WDR17: variants seen among roughly 807,000 people sequenced by gnomAD.
WDR17 encodes the protein WD repeat domain 17, also known as WD repeat-containing protein 17.
Under a neutral mutation model 161.7 loss-of-function variants are expected in WDR17, and 143 were observed. That is an observed-to-expected ratio of 0.88 (90% CI 0.77 to 1.02). The LOEUF is 1.02. WDR17 is among the 50% of genes least tolerant of loss of function. The pLI is 0.00. For synonymous variants in WDR17, 517 were observed against 515.6 expected (o/e 1.00, Z -0.04); for missense variants, 1,469 against 1,520.9 (o/e 0.97, Z 0.57).
intron 1 of WDR17, among the ~76,000 whole-genome samples, chr4:176,080,855 A>G (rs1349647581): frequency 6.6e-6 from 1 of 151,938 alleles, no homozygotes; most frequent in East Asian, 1.9e-4. Context: ...CATTGGTGTT[A>G]CTCAAAATTG....
intron 15 of WDR17, 126 bp downstream of exon 15, chr4:176,150,299 GC>G (rs1746912456): frequency 4.8e-6 from 7 of 1,467,404 alleles, no homozygotes; most frequent in Admixed American, 2.3e-5. Flanking sequence ...CATAATCTGT[GC>G]ACTATAAGAA....
chr4:176,120,321 A>ATATATATATATATATATATATATAT (rs1561130376), intron 4 of WDR17, among the ~76,000 whole-genome samples: 1 of 134,874 alleles, frequency 7.4e-6, no homozygotes, highest in African/African-American at 2.9e-5. Context: ...TATATATATA[A>ATATATATATATATATATATATATAT]TACATTCAAC....
At position 176,173,318 on chromosome 4, in the gene WDR17, A is replaced by T. The variant is rs1225296775; in HGVS notation, c.3296A>T (p.Asp1099Val). The change falls in exon 25 of 29, where the codon GAC becomes GTC. Residue 1099 changes from aspartate to valine, a missense_variant. By Grantham distance (152) the Asp-to-Val change is radical. Transcript: ENST00000508596. Reference sequence around the variant, plus strand: ...TTGGATACCATATACCCTGTTCTTGACCTACTGAGCTATATTCGTACTGAA... The same window carrying T: ...TTGGATACCATATACCCTGTTCTTGTCCTACTGAGCTATATTCGTACTGAA... ...WTLDTIYPVL[D>V]LLSYIRTEKL... is the part of the protein sequence containing the mutation. 6.2e-7 allele frequency: 1 copy of T among 1,613,320 alleles called. No homozygotes were observed. The highest frequency in any genetic ancestry group is 8.5e-7 in the Non-Finnish European group (1 of 1,179,764).
rs144691643 is a variant in WDR17, at chr4:176,099,896, T to A, written c.-6-11679T>A. ...CTTAAGATAATGACCTCCAGCTGCA[T>A]GCATGTTGCTGCAAAATACATGATT... On this transcript the variant is annotated intron_variant, in intron 1 of 28. Coordinates refer to ENST00000508596, the MANE Select transcript of WDR17 (RefSeq NM_181265.4). Among the ~76,000 whole-genome samples, 13 of 152,268 alleles carry A rather than the reference T, an allele frequency of 8.5e-5. No homozygotes were observed. In the East Asian group the frequency reaches 2.5e-3, roughly 29 times the overall value.
intron 17 of WDR17, among the ~76,000 whole-genome samples, chr4:176,154,758 G>A (rs1040961735): frequency 6.6e-6 from 1 of 151,992 alleles, no homozygotes; most frequent in Admixed American, 6.5e-5. Flanking sequence ...TTATTTTCTG[G>A]TTAATTACCA....
intron 28 of WDR17, among the ~76,000 whole-genome samples, chr4:176,178,514 C>T (rs1189206231): frequency 6.6e-6 from 1 of 152,158 alleles, no homozygotes; most frequent in Non-Finnish European, 1.5e-5. Context: ...TATCTAACCT[C>T]TCTGTAGCCA....
intron 6 of WDR17, among the ~76,000 whole-genome samples, chr4:176,130,442 A>G (rs954948053): frequency 3.9e-5 from 6 of 152,148 alleles, no homozygotes; most frequent in African/African-American, 7.2e-5. Context: ...TTGTATTTTA[A>G]TATTAAAAAT....
chr4:176,097,541 T>G (rs1460928709), intron 1 of WDR17, among the ~76,000 whole-genome samples: 2 of 151,958 alleles, frequency 1.3e-5, no homozygotes, highest in Admixed American at 1.3e-4. Flanking sequence ...AGTAAACATC[T>G]CTGGAGCCAG....
chr4:176,152,942 A>G (rs924084217), intron 17 of WDR17, among the ~76,000 whole-genome samples: 1 of 152,080 alleles, frequency 6.6e-6, no homozygotes, highest in Non-Finnish European at 1.5e-5. Context: ...TCAAAAAAAA[A>G]AAAAGGAAGC....
chr4:176,141,551 T>G (rs1745255610), intron 10 of WDR17, among the ~76,000 whole-genome samples: 1 of 152,122 alleles, frequency 6.6e-6, no homozygotes, highest in African/African-American at 2.4e-5. Flanking sequence ...TGCCTCAGCC[T>G]CCTGAGTAGC....
At chr4:176,162,959 T>C (rs1160678423) in intron 21 of WDR17, among the ~76,000 whole-genome samples, 195 bp from the exon 22 acceptor site, 3 of 152,176 alleles carry the variant, frequency 2.0e-5, no homozygotes, top group Non-Finnish European at 2.9e-5. Context: ...TCTGTATGTC[T>C]CATTAATAAC....
At position 176,179,909 on chromosome 4, in the gene WDR17, T is replaced by G. The variant is rs7699964; in HGVS notation, c.*330T>G. ...ACCAAAATATCATATGGTTGAAATATTGAAACATATTAAATTGTGCAACAC... is the reference window on the plus strand; with the variant it reads ...ACCAAAATATCATATGGTTGAAATAGTGAAACATATTAAATTGTGCAACAC... On this transcript the variant is annotated 3_prime_UTR_variant, in exon 29 of 29. Coordinates refer to ENST00000508596, the MANE Select transcript of WDR17 (RefSeq NM_181265.4). The G allele has an allele frequency of 0.26, 40,355 of 153,434 alleles. 5,497 individuals carry two copies. Among genetic ancestry groups the G allele is most frequent in the Admixed American group, 0.38 (5,778 of 15,266 alleles). The allele number at this position is 153,434 out of a possible 1,614,324, so 9.5% of individuals were successfully genotyped here. A position where few individuals can be genotyped will look rare whatever the true frequency, so the allele number is the denominator to read the frequency against.
intron 1 of WDR17, among the ~76,000 whole-genome samples, chr4:176,106,374 A>G (rs1293623240): frequency 3.3e-5 from 5 of 152,134 alleles, no homozygotes; most frequent in African/African-American, 4.8e-5. Context: ...ATACCATTCA[A>G]TGCAGAAAGG....
chr4:176,142,559 A>T lies in WDR17; in HGVS notation c.1529+490A>T, dbSNP rs188578825. On this transcript the variant is annotated intron_variant, in intron 11 of 28. Transcript: ENST00000508596. ...CTTGTTTGACAGCCAAGTATTTATC[A>T]TGTAAAAATCAGCTTAGATTTAAAA... 5.3e-5 allele frequency among the ~76,000 whole-genome samples: 8 copies of T among 152,344 alleles called. No homozygotes were observed. The East Asian group carries it at 1.5e-3, about 29-fold the overall frequency.
intron 1 of WDR17, among the ~76,000 whole-genome samples, chr4:176,090,107 C>A (rs1236002129): frequency 4.6e-5 from 7 of 151,960 alleles, no homozygotes; most frequent in Non-Finnish European, 1.0e-4. Flanking sequence ...CCTGAAAAAT[C>A]CATGTTGAGA....
rs991560601 is a variant in WDR17, at chr4:176,143,769, C to G, written c.1529+1700C>G. Among the ~76,000 whole-genome samples, 2 of 151,924 alleles carry G rather than the reference C, an allele frequency of 1.3e-5. 1 individual carries two copies. Among genetic ancestry groups the G allele is most frequent in the African/African-American group, 4.8e-5 (2 of 41,358 alleles). On this transcript the variant is annotated intron_variant, in intron 11 of 28. Coordinates refer to ENST00000508596, the MANE Select transcript of WDR17 (RefSeq NM_181265.4). ...ATAACATTTGGGTTTTTTTAGAGTC[C>G]TGCAGAAACCTTCTAAGTCAGTTCT...
chr4:176,144,659 C>G (rs775666981), intron 11 of WDR17, among the ~76,000 whole-genome samples: 1 of 152,130 alleles, frequency 6.6e-6, no homozygotes, highest in East Asian at 1.9e-4. Flanking sequence ...ATTATGCTTA[C>G]TACCAAGCAT....
chr4:176,092,243 A>G (rs1361903607), intron 1 of WDR17, among the ~76,000 whole-genome samples: 1 of 152,180 alleles, frequency 6.6e-6, no homozygotes, highest in Admixed American at 6.5e-5. Flanking sequence ...AAAAAAGACC[A>G]TTCATCAAGA....
At position 176,150,501 on chromosome 4, in the gene WDR17, G is replaced by C; in HGVS notation, c.2212G>C (p.Val738Leu). Residue 738 changes from valine to leucine, a missense_variant, in exon 16 of 29, where the codon GTT becomes CTT. Transcript: ENST00000508596. ...PGGSDNLWNLVAVIKGQDDSL... is the reference protein window; with the variant it reads ...PGGSDNLWNLLAVIKGQDDSL... ...TGGCAGTGACAATTTATGGAACTTG[G>C]TTGCTGTGATAAAAGGACAGGATGA... The C allele has an allele frequency of 1.9e-6, 3 of 1,611,294 alleles. No individual in the cohort carries two copies. The highest frequency in any genetic ancestry group is 1.3e-5 in the African/African-American group (1 of 74,926).
Sources: gnomAD v4.1 joint callset for allele counts (sites outside exome capture counted in the v4.1 genomes callset) on GRCh38, gnomAD v4.1.1 for gene constraint, MANE v1.5 for transcripts, NCBI Gene and HGNC (gene_info 2026-07-23, HGNC 2026-07-21) for gene names.